The following IL21R variants were observed in gnomAD, a reference collection of about 807,000 sequenced individuals.
The protein encoded by IL21R is interleukin-21 receptor.
IL21R carries 14 observed loss-of-function variants against 41.3 expected under a neutral mutation model. The ratio of observed to expected loss-of-function variants is 0.34; its 90% confidence interval spans 0.22 to 0.53. The LOEUF (loss-of-function observed/expected upper bound fraction) is 0.53. Among genes scored for constraint, IL21R ranks in the 20% least tolerant of loss-of-function variants. The probability of loss-of-function intolerance (pLI) is 0.94; values close to 1 mark genes in which losing one functional copy is unlikely to be tolerated. For synonymous variants in IL21R, 286 were observed against 287.6 expected (o/e 0.99, Z 0.05); for missense variants, 588 against 681.6 (o/e 0.86, Z 1.53).
intron 2 of IL21R, among the ~76,000 whole-genome samples, chr16:27,433,491 T>C (rs1182068814): frequency 6.6e-6 from 1 of 152,104 alleles, no homozygotes; most frequent in Non-Finnish European, 1.5e-5. Flanking sequence ...CGGTACAAGT[T>C]TCTAGTAAAT....
intron 1 of IL21R, among the ~76,000 whole-genome samples, chr16:27,405,774 T>A (rs1411245783): frequency 6.6e-6 from 1 of 150,560 alleles, no homozygotes; most frequent in Non-Finnish European, 1.5e-5. Context: ...TCATGACAGC[T>A]CAAATGAGAC....
At chr16:27,434,505 T>C (rs943793525) in intron 3 of IL21R, 56 bp downstream of exon 3, 2 of 1,114,144 alleles carry the variant, frequency 1.8e-6, no homozygotes, top group African/African-American at 3.1e-5. Context: ...GCCTGCTCAG[T>C]GATTCCCCCA....
intron 4 of IL21R, among the ~76,000 whole-genome samples, chr16:27,441,095 G>A (rs2087381553): frequency 6.7e-6 from 1 of 150,314 alleles, no homozygotes; most frequent in African/African-American, 2.4e-5. Context: ...AAGGGAGGGA[G>A]GGAGGGAAGG....
At chr16:27,440,612 G>A (rs1469231213) in intron 4 of IL21R, among the ~76,000 whole-genome samples, 2 of 152,164 alleles carry the variant, frequency 1.3e-5, no homozygotes, top group African/African-American at 4.8e-5. Context: ...CTGTGCCCCA[G>A]GCTGTGTTCT....
chr16:27,403,350 G>C, intron 1 of IL21R: 1 of 880,520 alleles, frequency 1.1e-6, no homozygotes, highest in Non-Finnish European at 1.6e-6. Flanking sequence ...CGGGAACTTA[G>C]GACTTGCCGC....
At chr16:27,434,287 G>A (rs747716633) in intron 2 of IL21R, 60 bp from the exon 3 acceptor site, 27 of 1,069,212 alleles carry the variant, frequency 2.5e-5, no homozygotes, top group Non-Finnish European at 3.8e-5. Flanking sequence ...GGGATGGAGA[G>A]GAAGCTCTGC....
At chr16:27,438,768 G>A (rs957079744) in intron 4 of IL21R, among the ~76,000 whole-genome samples, 9 of 152,220 alleles carry the variant, frequency 5.9e-5, no homozygotes, top group African/African-American at 2.2e-4. Flanking sequence ...TACTCGGGAG[G>A]CTGAGGCAGG....
intron 2 of IL21R, 38 bp from the exon 3 acceptor site, chr16:27,434,309 A>G (rs1178092209): frequency 1.5e-6 from 2 of 1,343,222 alleles, no homozygotes; most frequent in East Asian, 2.3e-5. Flanking sequence ...GTCCCAAGCC[A>G]CCCCCCACCA....
chr16:27,426,499 G>A (rs2087080935), intron 1 of IL21R, among the ~76,000 whole-genome samples: 1 of 152,254 alleles, frequency 6.6e-6, no homozygotes, highest in South Asian at 2.1e-4. Context: ...TGAGAGGATG[G>A]GAGGGGAAAG....
intron 1 of IL21R, chr16:27,427,429 T>A: frequency 1.6e-6 from 1 of 632,688 alleles, no homozygotes. Context: ...AGGGTCTCAC[T>A]CTTTCATTCA....
chr16:27,411,394 G>A lies in IL21R; in HGVS notation c.-17+8776G>A, dbSNP rs944955931. Among the ~76,000 whole-genome samples the A allele has an allele frequency of 8.8e-5, 13 of 147,000 alleles. No homozygotes were observed. The East Asian group carries it at 1.2e-3, about 14-fold the overall frequency. ...GATTAGTGATATTGAGCATCTTTTC[G>A]TATGCTTAATGGGCATTTGCTGATC... On this transcript the variant is annotated intron_variant, in intron 1 of 8. Transcript: ENST00000337929.
intron 1 of IL21R, among the ~76,000 whole-genome samples, chr16:27,429,248 T>G (rs1219907518): frequency 6.6e-6 from 1 of 151,336 alleles, no homozygotes; most frequent in Non-Finnish European, 1.5e-5. Context: ...AAAAGCCAAT[T>G]TACTGGCTTT....
At chr16:27,443,739 C>CGT (rs1440001098) in intron 5 of IL21R, among the ~76,000 whole-genome samples, 1 of 150,652 alleles carries the variant, frequency 6.6e-6, no homozygotes, top group Non-Finnish European at 1.5e-5. Flanking sequence ...GCTGGGATCG[C>CGT]GCTACTGCAC....
chr16:27,436,439 G>C (rs956615167), intron 3 of IL21R, among the ~76,000 whole-genome samples: 7 of 152,184 alleles, frequency 4.6e-5, no homozygotes, highest in South Asian at 2.1e-4. Flanking sequence ...GGCAGGGTGA[G>C]GGGGAATAAG....
intron 3 of IL21R, among the ~76,000 whole-genome samples, 167 bp from the exon 4 acceptor site, chr16:27,437,321 C>G (rs2087288120): frequency 6.6e-6 from 1 of 152,142 alleles, no homozygotes; most frequent in Non-Finnish European, 1.5e-5. Context: ...GAGGTGATAC[C>G]TTCCCTGGGA....
In IL21R at chr16:27,413,576, C is replaced by CTT. The variant is rs35600189; in HGVS notation, c.-17+10971_-17+10972dup. ...TCTAGTGAAGCCATTTGGTCTTGGCCTTTTTTTTTTTTTTCTAGGAGGTTT... is the reference window on the plus strand; with the variant it reads ...TCTAGTGAAGCCATTTGGTCTTGGCCTTTTTTTTTTTTTTTTCTAGGAGGTTT... On this transcript the variant is annotated intron_variant, in intron 1 of 8. Transcript: ENST00000337929. Among the ~76,000 whole-genome samples, 107 of 140,066 alleles carry CTT rather than the reference C, an allele frequency of 7.6e-4. No homozygotes were observed. The South Asian group carries it at 0.01, about 14-fold the overall frequency. The allele number at this position is 140,066 out of a possible 152,430, so 91.9% of individuals were successfully genotyped here.
intron 6 of IL21R, among the ~76,000 whole-genome samples, chr16:27,444,964 A>G (rs1018909679): frequency 6.6e-6 from 1 of 152,176 alleles, no homozygotes; most frequent in African/African-American, 2.4e-5. Flanking sequence ...TTTTCAGACG[A>G]GATAACTTAG....
intron 4 of IL21R, among the ~76,000 whole-genome samples, chr16:27,441,981 C>A (rs1036417203): frequency 6.6e-6 from 1 of 152,194 alleles, no homozygotes; most frequent in African/African-American, 2.4e-5. Context: ...CACTGCACTC[C>A]AGCCTGGGCA....
intron 1 of IL21R, among the ~76,000 whole-genome samples, chr16:27,415,171 A>G (rs983039865): frequency 6.6e-6 from 1 of 152,202 alleles, no homozygotes; most frequent in African/African-American, 2.4e-5. Context: ...CCAACACCAT[A>G]GACATCTCAA....
Sources: gnomAD v4.1 joint callset for allele counts (sites outside exome capture counted in the v4.1 genomes callset) on GRCh38, gnomAD v4.1.1 for gene constraint, MANE v1.5 for transcripts, NCBI Gene and HGNC (gene_info 2026-07-23, HGNC 2026-07-21) for gene names.